The following GRIA4 variants were observed in gnomAD, a reference collection of about 807,000 sequenced individuals.
GRIA4 encodes the protein glutamate ionotropic receptor AMPA type subunit 4.
A neutral mutation model predicts 104.0 loss-of-function variants in GRIA4; 34 were observed. The observed-to-expected ratio is 0.33, with a 90% CI of 0.25 to 0.44. GRIA4 has a LOEUF of 0.44. Ranked by LOEUF, GRIA4 falls within the 20% of genes least tolerant of loss-of-function variation. The probability of loss-of-function intolerance (pLI) is 1.00; values close to 1 mark genes in which losing one functional copy is unlikely to be tolerated. For synonymous variants in GRIA4, 386 were observed against 381.9 expected (o/e 1.01, Z -0.13); for missense variants, 750 against 1,096.5 (o/e 0.68, Z 4.46).
At chr11:105,723,387 TA>T (rs960733614) in intron 3 of GRIA4, among the ~76,000 whole-genome samples, 1 of 152,062 alleles carries the variant, frequency 6.6e-6, no homozygotes, top group African/African-American at 2.4e-5. Context: ...ACTTTTAAAA[TA>T]AAAATATAAA....
chr11:105,959,360 A>G (rs918322545), intron 14 of GRIA4, among the ~76,000 whole-genome samples: 1 of 152,132 alleles, frequency 6.6e-6, no homozygotes, highest in South Asian at 2.1e-4. Context: ...GTAGTCTTCA[A>G]ACTCTGATAT....
intron 4 of GRIA4, among the ~76,000 whole-genome samples, chr11:105,794,465 A>T (rs1437143989): frequency 1.9e-5 from 1 of 52,318 alleles, no homozygotes. Flanking sequence ...GTGTGTGTGT[A>T]TATGTATGTA....
At chr11:105,919,592 A>G (rs1157005528) in intron 11 of GRIA4, among the ~76,000 whole-genome samples, 2 of 152,160 alleles carry the variant, frequency 1.3e-5, no homozygotes, top group East Asian at 1.9e-4. Flanking sequence ...TATTGAGTGT[A>G]CACATTCATA....
At chr11:105,631,256 G>C (rs1235935777) in intron 3 of GRIA4, among the ~76,000 whole-genome samples, 2 of 152,106 alleles carry the variant, frequency 1.3e-5, no homozygotes, top group African/African-American at 2.4e-5. Flanking sequence ...CCCCGCTGGG[G>C]CTAGTGCATG....
intron 14 of GRIA4, among the ~76,000 whole-genome samples, chr11:105,949,676 T>C (rs1948413560): frequency 6.6e-6 from 1 of 152,084 alleles, no homozygotes; most frequent in Admixed American, 6.5e-5. Context: ...AATGAATAAA[T>C]AAGTCAGTGA....
At chr11:105,712,715 TTG>T (rs2135552566) in intron 3 of GRIA4, among the ~76,000 whole-genome samples, 1 of 105,626 alleles carries the variant, frequency 9.5e-6, no homozygotes, top group East Asian at 2.4e-4. Context: ...TGCTTTGTTT[TTG>T]TTTTTTTTAA....
At chr11:105,966,142 C>T (rs1226278897) in intron 14 of GRIA4, 1 of 925,984 alleles carries the variant, frequency 1.1e-6, no homozygotes, top group Non-Finnish European at 1.7e-6. Flanking sequence ...TGGTTTGGAC[C>T]TCCTAATACC....
At chr11:105,938,695 A>G (rs1486419840) in intron 14 of GRIA4, among the ~76,000 whole-genome samples, 1 of 152,192 alleles carries the variant, frequency 6.6e-6, no homozygotes, top group Non-Finnish European at 1.5e-5. Flanking sequence ...TGCATCTCTC[A>G]ACATACACAC....
At chr11:105,631,531 C>T (rs1392110243) in intron 3 of GRIA4, among the ~76,000 whole-genome samples, 1 of 152,114 alleles carries the variant, frequency 6.6e-6, no homozygotes, top group East Asian at 1.9e-4. Flanking sequence ...AACTATTTAT[C>T]ACTTCTATAT....
At chr11:105,695,334 T>C (rs928577020) in intron 3 of GRIA4, among the ~76,000 whole-genome samples, 21 of 152,178 alleles carry the variant, frequency 1.4e-4, no homozygotes, top group African/African-American at 5.1e-4. Flanking sequence ...GTGGTGCTGG[T>C]GTCAGCCAGG....
chr11:105,771,384 A>G (rs367807618), intron 4 of GRIA4, among the ~76,000 whole-genome samples: 4 of 151,962 alleles, frequency 2.6e-5, no homozygotes, highest in African/African-American at 9.7e-5. Context: ...TCTATATTCA[A>G]CCCTTATTAC....
intron 3 of GRIA4, among the ~76,000 whole-genome samples, chr11:105,717,423 T>C (rs1954130141): frequency 6.6e-6 from 1 of 152,098 alleles, no homozygotes; most frequent in African/African-American, 2.4e-5. Context: ...CAACAAGAAA[T>C]AAAGCTAAAT....
intron 5 of GRIA4, among the ~76,000 whole-genome samples, chr11:105,875,056 T>C (rs953357395): frequency 2.0e-5 from 3 of 152,224 alleles, no homozygotes; most frequent in African/African-American, 7.2e-5. Context: ...GCGTTTGTCA[T>C]GAATAGCTCT....
Position 105,956,035 on chromosome 11 carries a change from C to T in GRIA4, c.2295-15879C>T, listed in dbSNP as rs546306642. 5.9e-5 allele frequency among the ~76,000 whole-genome samples: 9 copies of T among 152,110 alleles called. No individual in the cohort carries two copies. The East Asian group carries it at 9.7e-4, about 16-fold the overall frequency. ...TTCTGGATATTAGACGTTTGTCAGA[C>T]GGGTAGATTGCAAAAATTATCTTCC... is the stretch of plus-strand genomic sequence containing the variant. On this transcript the variant is annotated intron_variant, in intron 14 of 16. Transcript: ENST00000282499.
intron 3 of GRIA4, among the ~76,000 whole-genome samples, chr11:105,643,926 C>T (rs952261371): frequency 6.6e-5 from 10 of 152,118 alleles, no homozygotes; most frequent in African/African-American, 2.4e-4. Context: ...ACCATGTTGG[C>T]CAGGCTGGTC....
chr11:105,681,785 G>A (rs993907565), intron 3 of GRIA4, among the ~76,000 whole-genome samples: 1 of 152,138 alleles, frequency 6.6e-6, no homozygotes, highest in Non-Finnish European at 1.5e-5. Flanking sequence ...GCTTACATGT[G>A]TAATCCCAAA....
At chr11:105,696,164 C>T (rs900401645) in intron 3 of GRIA4, among the ~76,000 whole-genome samples, 2 of 152,164 alleles carry the variant, frequency 1.3e-5, no homozygotes, top group African/African-American at 4.8e-5. Context: ...GTTCAGTACA[C>T]TCAAACTGGT....
chr11:105,922,240 T>C (rs569256600), intron 11 of GRIA4, among the ~76,000 whole-genome samples: 236 of 152,170 alleles, frequency 1.6e-3, no homozygotes, highest in South Asian at 2.9e-3. Flanking sequence ...AAATTCAAAT[T>C]AGTACAAGAA....
chr11:105,705,858 C>T (rs1446671005), intron 3 of GRIA4, among the ~76,000 whole-genome samples: 2 of 152,150 alleles, frequency 1.3e-5, no homozygotes, highest in Admixed American at 1.3e-4. Flanking sequence ...TTTAATAAAA[C>T]TGCATGTACA....
Sources: allele counts gnomAD v4.1 joint callset (sites outside exome capture counted in the v4.1 genomes callset), GRCh38; gene constraint gnomAD v4.1.1; transcripts MANE v1.5; gene names NCBI Gene and HGNC (gene_info 2026-07-23, HGNC 2026-07-21).